The following SPAG16 variants were observed in gnomAD, a reference collection of about 807,000 sequenced individuals.
SPAG16 encodes the protein sperm-associated antigen 16 protein.
Under a neutral mutation model 80.4 loss-of-function variants are expected in SPAG16, and 86 were observed. The ratio of observed to expected loss-of-function variants is 1.07; its 90% confidence interval spans 0.90 to 1.28. SPAG16 has a LOEUF of 1.28. Ranked by LOEUF, SPAG16 falls within the 50% of genes most tolerant of loss-of-function variation. The pLI, the probability that SPAG16 is intolerant of heterozygous loss-of-function variation, is 0.00. For missense variants in SPAG16, 870 were observed against 765.3 expected (o/e 1.14, Z -1.61); for synonymous variants, 294 against 265.9 (o/e 1.11, Z -1.03).
At chr2:214,150,216 C>A (rs1160000925) in intron 15 of SPAG16, among the ~76,000 whole-genome samples, 2 of 151,936 alleles carry the variant, frequency 1.3e-5, no homozygotes, top group African/African-American at 4.8e-5. Context: ...AATTCTAGAG[C>A]CAGAAGATAA....
chr2:213,761,551 A>G (rs2125522313), intron 10 of SPAG16, among the ~76,000 whole-genome samples: 1 of 152,292 alleles, frequency 6.6e-6, no homozygotes, highest in Middle Eastern at 3.4e-3. Context: ...TTCAAGTAAC[A>G]AAGTCAGAAA....
rs375763802 is a variant in SPAG16, at chr2:214,051,597, T to G, written c.1527+37520T>G. On this transcript the variant is annotated intron_variant, in intron 13 of 15. Coordinates refer to ENST00000331683, the MANE Select transcript of SPAG16 (RefSeq NM_024532.5). ...TGCACTACCCCTGCTGTCTGTCCCA[T>G]TCTAATTAGGCCTTTTCTATTTATA... Among the ~76,000 whole-genome samples the G allele has an allele frequency of 4.5e-4, 69 of 152,348 alleles. 1 individual carries two copies. The South Asian group carries it at 8.3e-3, about 18-fold the overall frequency.
intron 12 of SPAG16, among the ~76,000 whole-genome samples, chr2:213,979,804 A>T (rs572315047): frequency 1.0e-3 from 154 of 152,054 alleles, no homozygotes; most frequent in African/African-American, 3.6e-3. Context: ...AAAATAGGAT[A>T]CCCTGGAGAT....
chr2:214,402,540 A>C (rs565202290), intron 15 of SPAG16, among the ~76,000 whole-genome samples: 6 of 152,068 alleles, frequency 3.9e-5, no homozygotes, highest in Non-Finnish European at 7.4e-5. Context: ...GTATTCAAAA[A>C]TATTATTTGG....
chr2:213,664,645 C>T (rs980259775), intron 10 of SPAG16, among the ~76,000 whole-genome samples: 7 of 151,900 alleles, frequency 4.6e-5, no homozygotes, highest in African/African-American at 1.7e-4. Context: ...CATTATGTGC[C>T]TAGTCGTGGA....
chr2:213,862,049 T>C (rs2662677), intron 10 of SPAG16, among the ~76,000 whole-genome samples: 12 of 152,194 alleles, frequency 7.9e-5, no homozygotes, highest in African/African-American at 2.9e-4. Context: ...TCATGATCTT[T>C]TCCTGGATAA....
chr2:214,318,216 T>C (rs1028584493), intron 15 of SPAG16, among the ~76,000 whole-genome samples: 8 of 152,066 alleles, frequency 5.3e-5, no homozygotes, highest in Non-Finnish European at 8.8e-5. Flanking sequence ...ATGACTGATA[T>C]GCGATACTTG....
chr2:214,077,897 T>C (rs1302810779), intron 13 of SPAG16, among the ~76,000 whole-genome samples: 1 of 152,238 alleles, frequency 6.6e-6, no homozygotes, highest in African/African-American at 2.4e-5. Context: ...TTTTGTGTAG[T>C]AGCCAATGCA....
chr2:213,729,541 C>A (rs982535718), intron 10 of SPAG16, among the ~76,000 whole-genome samples: 7 of 152,182 alleles, frequency 4.6e-5, no homozygotes, highest in Admixed American at 6.5e-5. Context: ...GGAGTCTTAT[C>A]AGGTAGCATT....
intron 15 of SPAG16, among the ~76,000 whole-genome samples, chr2:214,243,838 C>A (rs780322830): frequency 6.6e-6 from 1 of 152,022 alleles, no homozygotes; most frequent in Non-Finnish European, 1.5e-5. Context: ...TCCTTCTACC[C>A]ATAGCCCTTC....
intron 10 of SPAG16, among the ~76,000 whole-genome samples, chr2:213,584,978 T>C (rs548751527): frequency 6.6e-6 from 1 of 152,034 alleles, no homozygotes; most frequent in South Asian, 2.1e-4. Flanking sequence ...CACCTGAGGT[T>C]AGGAGTTCAA....
intron 15 of SPAG16, among the ~76,000 whole-genome samples, chr2:214,189,094 T>C (rs1454487241): frequency 6.6e-6 from 1 of 152,130 alleles, no homozygotes; most frequent in Non-Finnish European, 1.5e-5. Context: ...AAGTATGTTG[T>C]ATTGCATAGA....
intron 10 of SPAG16, among the ~76,000 whole-genome samples, chr2:213,605,054 GTATA>G (rs1340702988): frequency 3.3e-5 from 5 of 151,162 alleles, no homozygotes; most frequent in Admixed American, 6.6e-5. Flanking sequence ...GCATATATGT[GTATA>G]TATAGTTTTT....
chr2:213,734,486 T>C (rs550884058), intron 10 of SPAG16, among the ~76,000 whole-genome samples: 1 of 152,376 alleles, frequency 6.6e-6, no homozygotes, highest in South Asian at 2.1e-4. Flanking sequence ...TTATAAAATA[T>C]GCTGCTAAAT....
chr2:214,152,043 T>A (rs1217154283), intron 15 of SPAG16, among the ~76,000 whole-genome samples: 1 of 152,168 alleles, frequency 6.6e-6, no homozygotes, highest in African/African-American at 2.4e-5. Context: ...AAATGACAGA[T>A]CTTTATAAAT....
chr2:214,343,339 A>T (rs977330464), intron 15 of SPAG16, among the ~76,000 whole-genome samples: 1 of 152,112 alleles, frequency 6.6e-6, no homozygotes, highest in African/African-American at 2.4e-5. Context: ...TTTAAAAGAG[A>T]GGTGTTAGAA....
chr2:213,555,490 A>T (rs1266565138), intron 10 of SPAG16, among the ~76,000 whole-genome samples: 1 of 152,206 alleles, frequency 6.6e-6, no homozygotes, highest in Non-Finnish European at 1.5e-5. Context: ...TTCCACCATG[A>T]TTGAAAGTTT....
intron 15 of SPAG16, among the ~76,000 whole-genome samples, chr2:214,179,727 A>G (rs769130507): frequency 2.0e-5 from 3 of 151,460 alleles, no homozygotes; most frequent in Non-Finnish European, 4.4e-5. Context: ...GACAATAACT[A>G]TCCAAAAATA....
chr2:214,258,361 T>C (rs1236868817), intron 15 of SPAG16, among the ~76,000 whole-genome samples: 1 of 151,984 alleles, frequency 6.6e-6, no homozygotes, highest in African/African-American at 2.4e-5. Flanking sequence ...CCTGAGTTAC[T>C]TCACTTAGAA....
Sources: gnomAD v4.1 joint callset for allele counts (sites outside exome capture counted in the v4.1 genomes callset) on GRCh38, gnomAD v4.1.1 for gene constraint, MANE v1.5 for transcripts, NCBI Gene and HGNC (gene_info 2026-07-23, HGNC 2026-07-21) for gene names.